The following GBF1 variants were observed in gnomAD, a reference collection of about 807,000 sequenced individuals.
GBF1 encodes the protein Golgi-specific brefeldin A-resistance guanine nucleotide exchange factor 1.
A neutral mutation model predicts 210.5 loss-of-function variants in GBF1; 114 were observed. That is an observed-to-expected ratio of 0.54 (90% CI 0.47 to 0.63). GBF1 has a LOEUF of 0.63. Ranked by LOEUF, GBF1 falls within the 30% of genes least tolerant of loss-of-function variation. The pLI is 0.00. For missense variants in GBF1, 1,851 were observed against 2,357.7 expected, an observed-to-expected ratio of 0.79 and a Z score of 4.45; for synonymous variants, 850 against 889.2, an observed-to-expected ratio of 0.96 and a Z score of 0.78.
At position 102,377,006 on chromosome 10, in the gene GBF1, T is replaced by A; in HGVS notation, c.4360T>A (p.Ser1454Thr). ...DSKGNRFKKKSKEGSMLRRPR... is the reference protein window; with the variant it reads ...DSKGNRFKKKTKEGSMLRRPR... The stretch of plus-strand genomic sequence containing the variant: ...CAAAGGGAACCGCTTCAAGAAGAAA[T>A]CCAAAGAGGGATCAATGCTTCGCCG... Residue 1454 changes from serine (S) to threonine (T), a missense_variant, in exon 33 of 40, where the codon TCC (serine) becomes ACC (threonine). Transcript: ENST00000369983. 1 of 1,613,782 alleles carries A rather than the reference T, an allele frequency of 6.2e-7. No homozygotes were observed.
Position 102,382,537 on chromosome 10 carries a change from G to A in GBF1, c.*201G>A, listed in dbSNP as rs1057050. On this transcript the variant is annotated 3_prime_UTR_variant, in exon 40 of 40. Transcript: ENST00000369983. ...CTGTGGGACCTTTTTCCTCCTCTGC[G>A]CTCCATTCCTGGGGGTTCAGCCTGA... 25,299 of 533,422 alleles carry A rather than the reference G, an allele frequency of 0.047. 729 individuals are homozygous for A. Among genetic ancestry groups the A allele is most frequent in the Non-Finnish European group, 0.06 (18,216 of 304,512 alleles). The allele number at this position is 533,422 out of a possible 1,614,324, so 33.0% of individuals were successfully genotyped here. A position where few individuals can be genotyped will look rare whatever the true frequency, so the allele number is the denominator to read the frequency against.
Position 102,359,248 on chromosome 10 carries a change from TC to T in GBF1, c.1012-16del, listed in dbSNP as rs762628337. On this transcript the variant is annotated intron_variant, in intron 10 of 39. Coordinates refer to ENST00000369983, the MANE Select transcript of GBF1 (RefSeq NM_001377137.1). ...CTTGCCTCATCCCTCTTCCCATATC[TC>T]CCTGCTACTGGTCATAGCAGGAAGG... 2.1e-5 allele frequency: 34 copies of T among 1,586,570 alleles called. No individual in the cohort carries two copies. Among genetic ancestry groups the T allele is most frequent in the Non-Finnish European group, 2.9e-5 (33 of 1,155,258 alleles).
intron 3 of GBF1, among the ~76,000 whole-genome samples, chr10:102,342,196 C>G (rs2058232653): frequency 6.6e-6 from 1 of 151,878 alleles, no homozygotes; most frequent in Non-Finnish European, 1.5e-5. Flanking sequence ...ACCACCACAC[C>G]CAGCTAATTT....
chr10:102,370,322 A>G, intron 27 of GBF1, 62 bp from the exon 28 acceptor site: 4 of 1,471,954 alleles, frequency 2.7e-6, no homozygotes, highest in Non-Finnish European at 3.8e-6. Context: ...TATTTCTGTC[A>G]GGGCAGGGCC....
chr10:102,360,387 T>C lies in GBF1; in HGVS notation c.1384T>C (p.Leu462=). 6.2e-7 allele frequency: 1 copy of C among 1,604,950 alleles called. No individual in the cohort carries two copies. The highest frequency in any genetic ancestry group is 1.1e-5 in the South Asian group (1 of 90,924). ...GLIKDEMCRH[L]FQLLSIERLN... Reference sequence around the variant, plus strand: ...CATCAAGGATGAGATGTGCCGTCACTTATTCCAGGTAAGACAAGATTGCTA... The same window carrying C: ...CATCAAGGATGAGATGTGCCGTCACCTATTCCAGGTAAGACAAGATTGCTA... Residue 462 remains leucine, a synonymous_variant, in exon 12 of 40, where the codon TTA becomes CTA. Transcript: ENST00000369983.
intron 3 of GBF1, among the ~76,000 whole-genome samples, chr10:102,339,143 A>C (rs2057991339): frequency 6.6e-6 from 1 of 152,196 alleles, no homozygotes; most frequent in African/African-American, 2.4e-5. Context: ...CGGGTGGATC[A>C]CCTGAGGTCA....
At chr10:102,289,016 T>C (rs2076219691) in intron 3 of GBF1, among the ~76,000 whole-genome samples, 1 of 149,552 alleles carries the variant, frequency 6.7e-6, no homozygotes, top group African/African-American at 2.5e-5. Flanking sequence ...GGCATGAGAA[T>C]CACTTGAACC....
the GBF1 span, chr10:102,230,807 G>A: frequency 1.3e-6 from 2 of 1,557,172 alleles, no homozygotes; most frequent in Non-Finnish European, 1.7e-6. Context: ...ACGGTGCCCG[G>A]GGCAGCCGCG....
chr10:102,286,718 A>G (rs2075984728), intron 3 of GBF1, among the ~76,000 whole-genome samples: 1 of 152,214 alleles, frequency 6.6e-6, no homozygotes, highest in Non-Finnish European at 1.5e-5. Flanking sequence ...ATCGGAATTC[A>G]GTGAGCATCA....
chr10:102,252,468 G>A (rs2071685311), intron 1 of GBF1, among the ~76,000 whole-genome samples: 1 of 152,174 alleles, frequency 6.6e-6, no homozygotes, highest in Admixed American at 6.5e-5. Flanking sequence ...TTTATCAGGT[G>A]GACAAGAGTG....
chr10:102,366,951 A>T lies in GBF1; in HGVS notation c.2434-134A>T. 1 of 893,406 alleles carries T rather than the reference A, an allele frequency of 1.1e-6. No individual in the cohort carries two copies. The highest frequency in any genetic ancestry group is 1.8e-6 in the Non-Finnish European group (1 of 570,754). 55.3% of individuals were successfully genotyped at this position (893,406 alleles called of 1,614,324 possible). On this transcript the variant is annotated intron_variant, in intron 19 of 39. Transcript: ENST00000369983. This position sits in a 1 kb window ranked among gnomAD's most constrained non-coding sequence, Gnocchi z 4.0. ...TTCCACAAAGAGATCAGCTTCTGTT[A>T]AGGAGTTGGCAAGAGACTGGCCACT...
At position 102,379,430 on chromosome 10, in the gene GBF1, G is replaced by T. The variant is rs371928945; in HGVS notation, c.4641G>T (p.Leu1547=). 5.0e-5 allele frequency: 80 copies of T among 1,613,984 alleles called. 1 individual carries two copies. The highest frequency in any genetic ancestry group is 3.2e-4 in the Admixed American group (19 of 59,992). Residue 1547 remains leucine, a synonymous_variant, in exon 34 of 40, where the codon CTG becomes CTT. Transcript: ENST00000369983. ...TLWAHCWCPL[L]QGIACLCCDA... ...GGGCCCACTGCTGGTGCCCTTTACTGCAGGGTAAACCAGGAGGGGCAGAGG... is the reference window on the plus strand; with the variant it reads ...GGGCCCACTGCTGGTGCCCTTTACTTCAGGGTAAACCAGGAGGGGCAGAGG...
chr10:102,382,017 C>T, intron 39 of GBF1, 39 bp from the exon 40 acceptor site: 1 of 1,503,154 alleles, frequency 6.7e-7, no homozygotes, highest in Non-Finnish European at 8.9e-7. Flanking sequence ...CTTGTACCAA[C>T]AAGGGAATCT....
chr10:102,364,278 G>A (rs1473480303), intron 17 of GBF1, among the ~76,000 whole-genome samples: 1 of 127,222 alleles, frequency 7.9e-6, no homozygotes, highest in Non-Finnish European at 1.6e-5. Flanking sequence ...AGGCTGGAGT[G>A]CAGTGGCATG....
intron 10 of GBF1, among the ~76,000 whole-genome samples, 191 bp downstream of exon 10, chr10:102,358,920 T>G (rs749862594): frequency 2.0e-5 from 3 of 152,218 alleles, no homozygotes; most frequent in Admixed American, 6.5e-5. Context: ...CTGTGAGAGA[T>G]AGCTCATGAG....
chr10:102,294,877 A>G (rs1381964998), intron 3 of GBF1, among the ~76,000 whole-genome samples: 1 of 152,194 alleles, frequency 6.6e-6, no homozygotes, highest in African/African-American at 2.4e-5. Flanking sequence ...TTGTGTAAGC[A>G]TACTCTATGA....
At chr10:102,230,838 G>A in the GBF1 span, 2 of 1,585,882 alleles carry the variant, frequency 1.3e-6, no homozygotes, top group Non-Finnish European at 1.7e-6. Flanking sequence ...CCATGGAGGC[G>A]GCGATGGAGC....
chr10:102,352,207 T>C (rs1238689946), intron 6 of GBF1, among the ~76,000 whole-genome samples: 2 of 152,212 alleles, frequency 1.3e-5, no homozygotes, highest in African/African-American at 2.4e-5. Context: ...CACCCTCTCT[T>C]GGGGTTTCTG....
chr10:102,240,894 G>A (rs1374452420), upstream of GBF1, among the ~76,000 whole-genome samples: 2 of 152,212 alleles, frequency 1.3e-5, no homozygotes, highest in African/African-American at 4.8e-5. Flanking sequence ...CCAGGAGTCT[G>A]AGCCTAGGCC....
Sources: allele counts gnomAD v4.1 joint callset (sites outside exome capture counted in the v4.1 genomes callset), GRCh38; gene constraint gnomAD v4.1.1; non-coding constraint Gnocchi (gnomAD v3.1); transcripts MANE v1.5; gene names NCBI Gene and HGNC (gene_info 2026-07-23, HGNC 2026-07-21).